Variants in EPC2 observed in about 807,000 individuals in gnomAD.
EPC2 encodes enhancer of polycomb homolog 2.
A neutral mutation model predicts 92.1 loss-of-function variants in EPC2; 14 were observed. The ratio of observed to expected loss-of-function variants is 0.15; its 90% CI spans 0.10 to 0.24. EPC2 has a LOEUF of 0.24. Among genes scored for constraint, EPC2 ranks in the 10% least tolerant of loss-of-function variants. EPC2 has a pLI of 1.00. For missense variants in EPC2, 755 were observed against 971.5 expected (o/e 0.78, Z 2.96); for synonymous variants, 340 against 334.7 (o/e 1.02, Z -0.17).
chr2:148,672,132 A>T (rs779105414), intron 1 of EPC2, among the ~76,000 whole-genome samples: 3 of 152,166 alleles, frequency 2.0e-5, no homozygotes, highest in Non-Finnish European at 4.4e-5. Flanking sequence ...CTTCTTAATT[A>T]TAAGAAGTAC....
intron 2 of EPC2, among the ~76,000 whole-genome samples, chr2:148,694,560 G>A (rs1270303972): frequency 6.6e-6 from 1 of 152,110 alleles, no homozygotes; most frequent in Admixed American, 6.5e-5. Context: ...CAACCCAAAT[G>A]TTATAATTTT....
intron 2 of EPC2, among the ~76,000 whole-genome samples, chr2:148,727,373 A>G (rs1252498310): frequency 6.6e-6 from 1 of 152,140 alleles, no homozygotes; most frequent in Non-Finnish European, 1.5e-5. Flanking sequence ...TGTTTCAAAT[A>G]TTTCTGATGT....
intron 1 of EPC2, among the ~76,000 whole-genome samples, chr2:148,652,070 G>A (rs115291000): frequency 0.029 from 4,430 of 152,140 alleles, 105 homozygotes; most frequent in Non-Finnish European, 0.042. Flanking sequence ...CCCATTTAAA[G>A]TTCAAAATTC....
intron 8 of EPC2, among the ~76,000 whole-genome samples, 200 bp downstream of exon 8, chr2:148,769,440 G>T (rs1294280217): frequency 2.6e-5 from 4 of 152,134 alleles, no homozygotes; most frequent in Non-Finnish European, 5.9e-5. Flanking sequence ...CTTGGAAATT[G>T]ATAATTCCTC....
At chr2:148,716,847 T>TACC in intron 2 of EPC2, among the ~76,000 whole-genome samples, 1 of 152,134 alleles carries the variant, frequency 6.6e-6, no homozygotes, top group Non-Finnish European at 1.5e-5. Flanking sequence ...TGGTATAATT[T>TACC]AGCTGTGAAT....
chr2:148,743,778 A>G lies in EPC2; in HGVS notation c.459+11A>G, dbSNP rs978994682. Reference sequence around the variant, plus strand: ...GCCAGTTCTAATCAGGTACTGTACCATGTAAAGATGTCTCTTATCTTCTAG... The same window carrying G: ...GCCAGTTCTAATCAGGTACTGTACCGTGTAAAGATGTCTCTTATCTTCTAG... On this transcript the variant is annotated intron_variant, in intron 3 of 13. Transcript: ENST00000258484. 6.6e-7 allele frequency: 1 copy of G among 1,511,668 alleles called. No homozygotes were observed. The highest frequency in any genetic ancestry group is 8.8e-7 in the Non-Finnish European group (1 of 1,135,164). 93.6% of individuals were successfully genotyped at this position (1,511,668 alleles called of 1,614,324 possible). A position where few individuals can be genotyped will look rare whatever the true frequency, so the allele number is the denominator to read the frequency against.
At chr2:148,672,156 T>C (rs1681167182) in intron 1 of EPC2, among the ~76,000 whole-genome samples, 1 of 152,212 alleles carries the variant, frequency 6.6e-6, no homozygotes, top group African/African-American at 2.4e-5. Flanking sequence ...AAAGTAAGTC[T>C]TATAATTGTT....
At chr2:148,747,161 C>CCTT (rs1424978443) in intron 3 of EPC2, among the ~76,000 whole-genome samples, 18 of 151,838 alleles carry the variant, frequency 1.2e-4, no homozygotes, top group Admixed American at 1.2e-3. Context: ...TACTGATTAA[C>CCTT]CTTCTATATA....
At chr2:148,782,320 T>TCAA (rs1362411117) in intron 11 of EPC2, among the ~76,000 whole-genome samples, 2 of 152,034 alleles carry the variant, frequency 1.3e-5, no homozygotes, top group African/African-American at 4.8e-5. Context: ...GCAGATCACT[T>TCAA]GGGGTCAGGA....
In EPC2 at chr2:148,729,247, A is replaced by G. The variant is rs547825733; in HGVS notation, c.314-14375A>G. Among the ~76,000 whole-genome samples the G allele has an allele frequency of 2.3e-3, 352 of 152,262 alleles. 3 individuals are homozygous for G. Among genetic ancestry groups the G allele is most frequent in the African/African-American group, 7.8e-3 (324 of 41,564 alleles). On this transcript the variant is annotated intron_variant, in intron 2 of 13. Coordinates refer to ENST00000258484, the MANE Select transcript of EPC2 (RefSeq NM_015630.4). ...AGTGCTTGTTTTCCTACACCCTGTCAAAAGACTGCTTTTAGTTTTGAAATT... is the reference window on the plus strand; with the variant it reads ...AGTGCTTGTTTTCCTACACCCTGTCGAAAGACTGCTTTTAGTTTTGAAATT...
At chr2:148,750,326 T>C (rs745683583) in intron 3 of EPC2, among the ~76,000 whole-genome samples, 2 of 152,062 alleles carry the variant, frequency 1.3e-5, no homozygotes, top group African/African-American at 2.4e-5. Flanking sequence ...TTAGCTGTAT[T>C]GCATTAGCAG....
At chr2:148,674,609 C>T in intron 1 of EPC2, among the ~76,000 whole-genome samples, 1 of 152,188 alleles carries the variant, frequency 6.6e-6, no homozygotes, top group South Asian at 2.1e-4. Context: ...GTCCATCAGG[C>T]AGACTCCTGA....
intron 10 of EPC2, among the ~76,000 whole-genome samples, chr2:148,774,706 G>A (rs1033384533): frequency 2.7e-5 from 4 of 150,806 alleles, no homozygotes; most frequent in Non-Finnish European, 5.9e-5. Flanking sequence ...CTAGATGTTA[G>A]AACTAAAACT....
intron 1 of EPC2, among the ~76,000 whole-genome samples, chr2:148,678,802 G>T (rs376975423): frequency 6.6e-6 from 1 of 152,374 alleles, no homozygotes; most frequent in East Asian, 1.9e-4. Flanking sequence ...GAGGGAGCAG[G>T]TTCCAGCCTT....
Position 148,693,203 on chromosome 2 carries a change from C to G in EPC2, c.313+2830C>G, listed in dbSNP as rs1218342987. 4.6e-5 allele frequency among the ~76,000 whole-genome samples: 7 copies of G among 152,118 alleles called. No homozygotes were observed. The East Asian group carries it at 1.3e-3, about 29-fold the overall frequency. On this transcript the variant is annotated intron_variant, in intron 2 of 13. Coordinates refer to ENST00000258484, the MANE Select transcript of EPC2 (RefSeq NM_015630.4). ...TTAAGGAGTTTCAGAAAATTTCACT[C>G]TGGATTTTTCCTTTTCTTCTTTTAA...
At chr2:148,762,582 G>C in intron 5 of EPC2, 88 bp from the exon 6 acceptor site, 1 of 911,478 alleles carries the variant, frequency 1.1e-6, no homozygotes, top group Non-Finnish European at 1.6e-6. Context: ...TTGACTAGGT[G>C]ACTTCCAATT....
At position 148,777,438 on chromosome 2, in the gene EPC2, C is replaced by A. The variant is rs547713966; in HGVS notation, c.1721-4206C>A. On this transcript the variant is annotated intron_variant, in intron 10 of 13. Transcript: ENST00000258484. ...AAAACAAAGGCACAAGCACAAAAAT[C>A]CTGTGTTCCTACTCTGTTATGGGAT... is the stretch of plus-strand genomic sequence containing the variant. 1.3e-3 allele frequency among the ~76,000 whole-genome samples: 200 copies of A among 152,200 alleles called. 1 individual carries two copies. The highest frequency in any genetic ancestry group is 4.6e-3 in the African/African-American group (193 of 41,516).
At chr2:148,693,600 C>T (rs974798061) in intron 2 of EPC2, among the ~76,000 whole-genome samples, 3 of 152,156 alleles carry the variant, frequency 2.0e-5, no homozygotes, top group Non-Finnish European at 2.9e-5. Flanking sequence ...AACCTCCTCG[C>T]GATCAGGGGC....
rs186548205 is a variant in EPC2 at position 148,686,692 on chromosome 2, C to T, written c.154-3522C>T. The stretch of plus-strand genomic sequence containing the variant: ...GTTGTCTTAGCAGGCATGAAAATAG[C>T]ATTAATCTCCTTGTTCATCGCCATC... On this transcript the variant is annotated intron_variant, in intron 1 of 13. Coordinates refer to ENST00000258484, the MANE Select transcript of EPC2 (RefSeq NM_015630.4). Among the ~76,000 whole-genome samples, 317 of 152,296 alleles carry T rather than the reference C, an allele frequency of 2.1e-3. 3 individuals are homozygous for T. The highest frequency in any genetic ancestry group is 6.8e-3 in the Middle Eastern group (2 of 294).
Sources: allele counts gnomAD v4.1 joint callset (sites outside exome capture counted in the v4.1 genomes callset), GRCh38; gene constraint gnomAD v4.1.1; transcripts MANE v1.5; gene names NCBI Gene and HGNC (gene_info 2026-07-23, HGNC 2026-07-21).